ARHGAP6: variants seen among roughly 807,000 people sequenced by gnomAD.
ARHGAP6 encodes the protein rho GTPase-activating protein 6.
ARHGAP6 carries 16 observed loss-of-function variants against 55.7 expected under a neutral mutation model. The ratio of observed to expected loss-of-function variants is 0.29; its 90% CI spans 0.19 to 0.44. The LOEUF (loss-of-function observed/expected upper bound fraction) is 0.44, where lower values mean the gene tolerates loss of function less well. Among genes scored for constraint, ARHGAP6 ranks in the 20% least tolerant of loss-of-function variants. The probability of loss-of-function intolerance (pLI) is 1.00; values close to 1 mark genes in which losing one functional copy is unlikely to be tolerated. For missense variants in ARHGAP6, 698 were observed against 808.9 expected (o/e 0.86, Z 1.66); for synonymous variants, 382 against 360.9 (o/e 1.06, Z -0.66).
intron 1 of ARHGAP6, among the ~76,000 whole-genome samples, chrX:11,639,175 G>A (rs938743918): frequency 9.0e-6 from 1 of 111,342 alleles, no homozygotes; most frequent in African/African-American, 3.3e-5. Flanking sequence ...GGACATTGGG[G>A]CAGATTATGA....
At chrX:11,539,432 G>A (rs999743138) in intron 1 of ARHGAP6, among the ~76,000 whole-genome samples, 26 of 112,006 alleles carry the variant, frequency 2.3e-4, no homozygotes, top group African/African-American at 8.1e-4. Context: ...TAACAGCTTT[G>A]TTTCATTACT....
intron 1 of ARHGAP6, among the ~76,000 whole-genome samples, chrX:11,442,553 C>T (rs1056447526): frequency 6.3e-5 from 7 of 111,565 alleles, no homozygotes; most frequent in African/African-American, 9.8e-5. Flanking sequence ...TAAACAGAAA[C>T]GGGGGAAAAA....
chrX:11,522,421 C>T (rs1157323961), intron 1 of ARHGAP6, among the ~76,000 whole-genome samples: 1 of 111,166 alleles, frequency 9.0e-6, no homozygotes, highest in African/African-American at 3.3e-5. Flanking sequence ...CACAAAAAAC[C>T]CTTCAAAAAA....
At chrX:11,485,037 C>CA (rs375351477) in intron 1 of ARHGAP6, among the ~76,000 whole-genome samples, 1,939 of 105,520 alleles carry the variant, frequency 0.018, 47 homozygotes, top group African/African-American at 0.063. Context: ...ACAACAACAA[C>CA]AAAAAAAAAA....
chrX:11,189,551 C>CAT (rs1233122680), intron 3 of ARHGAP6, among the ~76,000 whole-genome samples: 1 of 111,549 alleles, frequency 9.0e-6, no homozygotes, highest in Non-Finnish European at 1.9e-5. Context: ...GGAAGAAGTC[C>CAT]ACTCTGTTTT....
intron 1 of ARHGAP6, chrX:11,367,843 A>T (rs2049100913): frequency 1.4e-6 from 1 of 740,540 alleles, no homozygotes; most frequent in Non-Finnish European, 1.6e-6. Flanking sequence ...GAAGGAAACA[A>T]AACCAGAATA....
intron 8 of ARHGAP6, 58 bp from the exon 9 acceptor site, chrX:11,169,742 G>T: frequency 1.1e-6 from 1 of 909,016 alleles, no homozygotes; most frequent in Non-Finnish European, 1.5e-6. Flanking sequence ...GATACTGGGT[G>T]ATTCAACAAT....
chrX:11,488,953 A>G (rs1349039202), intron 1 of ARHGAP6, among the ~76,000 whole-genome samples: 1 of 112,003 alleles, frequency 8.9e-6, no homozygotes, highest in Non-Finnish European at 1.9e-5. Context: ...ATTTTATCAG[A>G]TGTAACGTGT....
At chrX:11,446,515 C>T (rs1354568603) in intron 1 of ARHGAP6, among the ~76,000 whole-genome samples, 2 of 111,198 alleles carry the variant, frequency 1.8e-5, no homozygotes, top group Non-Finnish European at 3.8e-5. Flanking sequence ...GTGACTCACA[C>T]TGAAAAGAAA....
intron 1 of ARHGAP6, among the ~76,000 whole-genome samples, chrX:11,532,009 A>C (rs1603244154): frequency 8.9e-6 from 1 of 112,489 alleles, no homozygotes; most frequent in South Asian, 3.7e-4. Flanking sequence ...CAAGGATGCT[A>C]TTGAGGCATT....
Position 11,635,413 on chromosome X carries a change from T to C in ARHGAP6, c.588+28828A>G, listed in dbSNP as rs188332428. ...CTATGAGATTTTTTTAAAATGAGCA[T>C]ATATTACTTTTATAATTAGAAAAAT... On this transcript the variant is annotated intron_variant, in intron 1 of 12. Transcript: ENST00000337414. Among the ~76,000 whole-genome samples, 667 of 112,214 alleles carry C rather than the reference T, an allele frequency of 5.9e-3. 3 individuals are homozygous for C. The highest frequency in any genetic ancestry group is 0.02 in the African/African-American group (619 of 30,993).
chrX:11,265,704 C>A (rs1016666561), intron 1 of ARHGAP6: 15 of 874,255 alleles, frequency 1.7e-5, no homozygotes, highest in Non-Finnish European at 2.0e-5. Flanking sequence ...TATAATCAGC[C>A]GCGTCTTTGC....
intron 1 of ARHGAP6, among the ~76,000 whole-genome samples, chrX:11,365,718 T>G (rs1428125288): frequency 1.8e-5 from 2 of 112,465 alleles, no homozygotes; most frequent in Non-Finnish European, 3.8e-5. Context: ...AACCATAAAA[T>G]AATTCAGGTA....
At chrX:11,662,976 G>A (rs1466998279) in intron 1 of ARHGAP6, among the ~76,000 whole-genome samples, 3 of 111,706 alleles carry the variant, frequency 2.7e-5, no homozygotes, top group Non-Finnish European at 3.8e-5. Context: ...CCTCTGCCTC[G>A]ACTTTCCTTT....
intron 1 of ARHGAP6, among the ~76,000 whole-genome samples, chrX:11,480,689 T>C (rs908772291): frequency 1.3e-4 from 15 of 111,862 alleles, no homozygotes; most frequent in African/African-American, 4.6e-4. Flanking sequence ...CTGCTTTTCC[T>C]CCCCCCAGTC....
chrX:11,267,602 A>T (rs1309717566), intron 1 of ARHGAP6, among the ~76,000 whole-genome samples: 1 of 112,320 alleles, frequency 8.9e-6, no homozygotes, highest in African/African-American at 3.2e-5. Context: ...ATGTTTACCT[A>T]ACACTAGAGT....
intron 1 of ARHGAP6, among the ~76,000 whole-genome samples, chrX:11,346,686 G>A (rs1015640428): frequency 1.0e-5 from 1 of 98,024 alleles, no homozygotes; most frequent in African/African-American, 3.8e-5. Context: ...TGTAGCTTGG[G>A]TGACACAGTG....
intron 1 of ARHGAP6, among the ~76,000 whole-genome samples, chrX:11,567,558 A>G (rs1203958729): frequency 1.5e-5 from 1 of 65,778 alleles, no homozygotes; most frequent in Admixed American, 1.3e-4. Flanking sequence ...CATCTCAAAA[A>G]AAAAAAAAAT....
At chrX:11,398,770 T>C (rs1339130304) in intron 1 of ARHGAP6, among the ~76,000 whole-genome samples, 2 of 111,934 alleles carry the variant, frequency 1.8e-5, no homozygotes, top group Non-Finnish European at 3.8e-5. Context: ...TTAGGAATTC[T>C]AAATGTCCTA....
Sources: gnomAD v4.1 joint callset for allele counts (sites outside exome capture counted in the v4.1 genomes callset) on GRCh38, gnomAD v4.1.1 for gene constraint, MANE v1.5 for transcripts, NCBI Gene and HGNC (gene_info 2026-07-23, HGNC 2026-07-21) for gene names.